Variants in TMTC2 observed in about 807,000 individuals in gnomAD.
The protein encoded by TMTC2 is transmembrane O-mannosyltransferase targeting cadherins 2, also known as protein O-mannosyl-transferase TMTC2.
In TMTC2, 43 loss-of-function variants were observed where a neutral mutation model predicts 82.4. The ratio of observed to expected loss-of-function variants is 0.52; its 90% CI spans 0.41 to 0.67. The LOEUF is 0.67. Among genes scored for constraint, TMTC2 ranks in the 30% least tolerant of loss-of-function variants. The pLI is 0.00. For missense variants in TMTC2, 919 were observed against 1,012.4 expected (o/e 0.91, Z 1.25); for synonymous variants, 408 against 381.9 (o/e 1.07, Z -0.80).
At chr12:82,913,758 T>C (rs914247941) in intron 3 of TMTC2, among the ~76,000 whole-genome samples, 2 of 152,228 alleles carry the variant, frequency 1.3e-5, no homozygotes, top group African/African-American at 4.8e-5. Flanking sequence ...TTCAATATCA[T>C]GTTTTTCAGT....
intron 11 of TMTC2, among the ~76,000 whole-genome samples, chr12:83,099,036 G>A (rs1369304214): frequency 6.6e-6 from 1 of 152,170 alleles, no homozygotes; most frequent in Non-Finnish European, 1.5e-5. Flanking sequence ...TAGGCTGCAT[G>A]AGAGAGAAAG....
chr12:82,703,597 C>T (rs971408970), intron 1 of TMTC2, among the ~76,000 whole-genome samples: 3 of 150,756 alleles, frequency 2.0e-5, no homozygotes, highest in Non-Finnish European at 4.4e-5. Context: ...CTCCCGGGTT[C>T]ACGCCATTCT....
intron 10 of TMTC2, among the ~76,000 whole-genome samples, chr12:83,061,294 G>A (rs187524294): frequency 4.2e-3 from 635 of 151,878 alleles, no homozygotes; most frequent in Non-Finnish European, 7.0e-3. Context: ...AGGAAAACAT[G>A]GAAAGTTCCC....
At chr12:82,729,138 A>T (rs1592880131) in intron 1 of TMTC2, among the ~76,000 whole-genome samples, 1 of 152,194 alleles carries the variant, frequency 6.6e-6, no homozygotes, top group South Asian at 2.1e-4. Context: ...AGGCAGCTCC[A>T]CCTGTGGCCC....
At chr12:82,747,594 T>TA (rs2136961259) in intron 1 of TMTC2, among the ~76,000 whole-genome samples, 2 of 152,338 alleles carry the variant, frequency 1.3e-5, no homozygotes, top group East Asian at 3.9e-4. Context: ...CTAAAGATTT[T>TA]AGAGCATGGA....
chr12:82,772,012 C>G (rs576654319), intron 1 of TMTC2, among the ~76,000 whole-genome samples: 62 of 152,290 alleles, frequency 4.1e-4, no homozygotes, highest in Non-Finnish European at 7.4e-4. Context: ...AACAACATCT[C>G]CCTCTGCTGC....
At chr12:82,876,580 TG>T (rs2137148246) in intron 2 of TMTC2, among the ~76,000 whole-genome samples, 1 of 152,348 alleles carries the variant, frequency 6.6e-6, no homozygotes, top group East Asian at 1.9e-4. Flanking sequence ...ATTTTCTCCC[TG>T]TTTTTTAAAC....
intron 11 of TMTC2, among the ~76,000 whole-genome samples, chr12:83,063,640 A>G (rs1032056041): frequency 2.6e-5 from 4 of 151,914 alleles, no homozygotes; most frequent in African/African-American, 7.2e-5. Context: ...TACATAAGAG[A>G]AAGCTTGGTG....
chr12:82,737,616 T>G (rs1875191625), intron 1 of TMTC2, among the ~76,000 whole-genome samples: 1 of 152,206 alleles, frequency 6.6e-6, no homozygotes, highest in Non-Finnish European at 1.5e-5. Flanking sequence ...TTGGTTTTGT[T>G]TGTATACATT....
intron 2 of TMTC2, among the ~76,000 whole-genome samples, chr12:82,894,727 A>T (rs1046285802): frequency 6.6e-6 from 1 of 152,154 alleles, no homozygotes; most frequent in Non-Finnish European, 1.5e-5. Flanking sequence ...CCTTAACATG[A>T]TGTCCTTTGA....
chr12:82,989,986 T>A (rs1282978149), intron 8 of TMTC2, among the ~76,000 whole-genome samples: 2 of 152,188 alleles, frequency 1.3e-5, no homozygotes, highest in Non-Finnish European at 2.9e-5. Context: ...TTGGCAAATT[T>A]CTGATCCCTA....
chr12:82,943,764 A>G (rs903992030), intron 4 of TMTC2, among the ~76,000 whole-genome samples: 14 of 152,320 alleles, frequency 9.2e-5, no homozygotes, highest in Admixed American at 1.3e-4. Context: ...GGAAATAAGG[A>G]TCCATTAATT....
chr12:82,829,783 G>A (rs1034851466), intron 1 of TMTC2, among the ~76,000 whole-genome samples: 6 of 152,186 alleles, frequency 3.9e-5, no homozygotes, highest in Admixed American at 6.6e-5. Flanking sequence ...AAGTCAACCT[G>A]AAGCTAAACT....
At chr12:83,067,601 T>C (rs1238900683) in intron 11 of TMTC2, among the ~76,000 whole-genome samples, 1 of 151,942 alleles carries the variant, frequency 6.6e-6, no homozygotes, top group Non-Finnish European at 1.5e-5. Flanking sequence ...TTATGGTCAT[T>C]TGGTTATCTG....
chr12:82,932,577 T>C (rs888970053), intron 4 of TMTC2, among the ~76,000 whole-genome samples: 3 of 152,184 alleles, frequency 2.0e-5, no homozygotes, highest in Non-Finnish European at 4.4e-5. Flanking sequence ...CTATATTTTT[T>C]ATTATTTTTA....
intron 1 of TMTC2, among the ~76,000 whole-genome samples, chr12:82,726,983 C>A (rs1166195753): frequency 1.3e-5 from 2 of 150,784 alleles, no homozygotes; most frequent in East Asian, 3.9e-4. Context: ...TGCTGTGTAT[C>A]CTTAGAAAAG....
At chr12:83,039,226 C>T (rs1447230376) in intron 9 of TMTC2, among the ~76,000 whole-genome samples, 1 of 152,004 alleles carries the variant, frequency 6.6e-6, no homozygotes, top group Non-Finnish European at 1.5e-5. Flanking sequence ...AGCCACCACG[C>T]CTGGCCAAGA....
chr12:82,936,723 A>G (rs1410396245), intron 4 of TMTC2, among the ~76,000 whole-genome samples: 3 of 152,172 alleles, frequency 2.0e-5, no homozygotes, highest in Non-Finnish European at 2.9e-5. Flanking sequence ...GAATAAATAA[A>G]TAATTCTATA....
At chr12:82,780,712 GTGTT>G in intron 1 of TMTC2, among the ~76,000 whole-genome samples, 1 of 152,018 alleles carries the variant, frequency 6.6e-6, no homozygotes, top group South Asian at 2.1e-4. Flanking sequence ...TGGTAAAAAT[GTGTT>G]TGTATTCTCA....
Sources: allele counts gnomAD v4.1 joint callset (sites outside exome capture counted in the v4.1 genomes callset), GRCh38; gene constraint gnomAD v4.1.1; transcripts MANE v1.5; gene names NCBI Gene and HGNC (gene_info 2026-07-23, HGNC 2026-07-21).